RPSA2: variants seen among roughly 807,000 people sequenced by gnomAD.
RPSA2 encodes the protein ribosomal protein SA 2, also known as small ribosomal subunit protein uS2B.
At chr19:23,851,856 G>A in the RPSA2 span, among the ~76,000 whole-genome samples, 8 of 152,228 alleles carry the variant, frequency 5.3e-5, no homozygotes, top group African/African-American at 1.2e-4. Flanking sequence ...TGTCAATAAC[G>A]CTGATAAAAT....
At chr19:23,793,385 A>C in the RPSA2 span, among the ~76,000 whole-genome samples, 1 of 142,570 alleles carries the variant, frequency 7.0e-6, no homozygotes, top group African/African-American at 2.6e-5. Flanking sequence ...TTTGAGACTG[A>C]GTTTTGCTCT....
the RPSA2 span, among the ~76,000 whole-genome samples, chr19:23,761,528 T>A: frequency 1.3e-5 from 2 of 152,154 alleles, no homozygotes; most frequent in Non-Finnish European, 2.9e-5. Context: ...TAAGGTTGTG[T>A]CCTCTGTGTC....
the RPSA2 span, among the ~76,000 whole-genome samples, chr19:23,868,157 T>A: frequency 1.1e-4 from 17 of 152,186 alleles, no homozygotes; most frequent in African/African-American, 3.9e-4. Flanking sequence ...GGGCTTGCCA[T>A]CCCCAGCAGC....
the RPSA2 span, among the ~76,000 whole-genome samples, chr19:23,801,547 CTT>C: frequency 2.6e-5 from 4 of 152,164 alleles, no homozygotes; most frequent in African/African-American, 9.6e-5. Flanking sequence ...GTCTGCCAGT[CTT>C]TTTACTTATA....
chr19:23,870,662 A>C, the RPSA2 span, among the ~76,000 whole-genome samples: 1 of 152,206 alleles, frequency 6.6e-6, no homozygotes, highest in Non-Finnish European at 1.5e-5. Flanking sequence ...TCTCATATAT[A>C]GTTCTGGGAA....
chr19:23,806,944 C>A, the RPSA2 span, among the ~76,000 whole-genome samples: 148,898 of 152,226 alleles, frequency 0.98, 72,916 homozygotes, highest in Middle Eastern at 1. Flanking sequence ...TAAATTGAGA[C>A]TGTAATTTAC....
At chr19:23,868,785 G>A in the RPSA2 span, among the ~76,000 whole-genome samples, 2 of 152,274 alleles carry the variant, frequency 1.3e-5, no homozygotes, top group East Asian at 3.9e-4. Context: ...GTGCCCTCAA[G>A]GTGCGTGCAA....
At chr19:23,845,272 TATG>T in the RPSA2 span, among the ~76,000 whole-genome samples, 110 of 16,082 alleles carry the variant, frequency 6.8e-3, no homozygotes, top group South Asian at 0.015. Flanking sequence ...TGTTCTGATT[TATG>T]TTTTTTTTTT....
chr19:23,773,276 ATAT>A, the RPSA2 span, among the ~76,000 whole-genome samples: 1 of 85,132 alleles, frequency 1.2e-5, no homozygotes, highest in African/African-American at 4.6e-5. Flanking sequence ...TGATATATAT[ATAT>A]ATATATATCA....
At chr19:23,808,372 C>T in the RPSA2 span, among the ~76,000 whole-genome samples, 16 of 149,660 alleles carry the variant, frequency 1.1e-4, 1 homozygote, top group Admixed American at 8.1e-4. Flanking sequence ...CAGGTTCAAG[C>T]GATTCTGCCT....
the RPSA2 span, among the ~76,000 whole-genome samples, chr19:23,816,917 C>T: frequency 2.0e-5 from 3 of 152,126 alleles, no homozygotes; most frequent in African/African-American, 7.2e-5. Context: ...ACATCCCTCC[C>T]ACAACATGTG....
At chr19:23,827,681 A>G in the RPSA2 span, 5 of 1,594,932 alleles carry the variant, frequency 3.1e-6, no homozygotes, top group Non-Finnish European at 4.3e-6. Flanking sequence ...AGTGGGTTTG[A>G]TGTGGTGGAT....
chr19:23,811,678 A>C, the RPSA2 span, among the ~76,000 whole-genome samples: 1 of 90,050 alleles, frequency 1.1e-5, no homozygotes, highest in African/African-American at 4.1e-5. Flanking sequence ...CAGGCAGGCA[A>C]AAAGGAATTA....
the RPSA2 span, among the ~76,000 whole-genome samples, chr19:23,761,512 A>G: frequency 6.6e-6 from 1 of 152,194 alleles, no homozygotes; most frequent in African/African-American, 2.4e-5. Context: ...GACCAAATTA[A>G]AATTCTAAGG....
chr19:23,784,942 T>C, the RPSA2 span, among the ~76,000 whole-genome samples: 3 of 152,254 alleles, frequency 2.0e-5, no homozygotes, highest in Non-Finnish European at 4.4e-5. Context: ...AGACCCAATA[T>C]ACAGGAGGTA....
chr19:23,869,179 C>A, the RPSA2 span, among the ~76,000 whole-genome samples: 1 of 152,052 alleles, frequency 6.6e-6, no homozygotes, highest in Non-Finnish European at 1.5e-5. Flanking sequence ...GGCTCCAGGA[C>A]CCCTATGTCT....
the RPSA2 span, among the ~76,000 whole-genome samples, chr19:23,779,552 A>C: frequency 6.6e-6 from 1 of 152,184 alleles, no homozygotes; most frequent in South Asian, 2.1e-4. Context: ...CACCTAAGTG[A>C]TATGACTCCT....
the RPSA2 span, among the ~76,000 whole-genome samples, chr19:23,776,792 A>G: frequency 6.6e-6 from 1 of 152,254 alleles, no homozygotes; most frequent in East Asian, 1.9e-4. Context: ...TGTAACATTC[A>G]TGGGCCCAAT....
the RPSA2 span, among the ~76,000 whole-genome samples, chr19:23,786,238 C>T: frequency 2.6e-5 from 4 of 152,090 alleles, no homozygotes. Context: ...GTACTTAGAC[C>T]CAACATAGAA....
Sources: allele counts gnomAD v4.1 joint callset (sites outside exome capture counted in the v4.1 genomes callset), GRCh38; gene constraint gnomAD v4.1.1; transcripts MANE v1.5; gene names NCBI Gene and HGNC (gene_info 2026-07-23, HGNC 2026-07-21).